The following MSI2 variants were observed in gnomAD, a reference collection of about 807,000 sequenced individuals.
MSI2 encodes the protein RNA-binding protein Musashi homolog 2.
Under a neutral mutation model 45.6 loss-of-function variants are expected in MSI2, and 17 were observed. That is an observed-to-expected ratio of 0.37 (90% CI 0.26 to 0.56). The LOEUF (loss-of-function observed/expected upper bound fraction) is 0.56, where lower values mean the gene tolerates loss of function less well. Ranked by LOEUF, MSI2 falls within the 20% of genes least tolerant of loss-of-function variation. The pLI is 0.77. For synonymous variants in MSI2, 156 were observed against 158.2 expected, an observed-to-expected ratio of 0.99 and a Z score of 0.11; for missense variants, 293 against 444.2, an observed-to-expected ratio of 0.66 and a Z score of 3.06.
intron 5 of MSI2, among the ~76,000 whole-genome samples, chr17:57,393,713 C>T (rs1471493331): frequency 1.3e-5 from 2 of 152,150 alleles, no homozygotes; most frequent in Admixed American, 1.3e-4. Context: ...AGATGTTTCA[C>T]TCTTGTCACC....
intron 5 of MSI2, among the ~76,000 whole-genome samples, chr17:57,307,736 G>GCCTGC (rs1162930215): frequency 6.6e-6 from 1 of 152,210 alleles, no homozygotes; most frequent in African/African-American, 2.4e-5. Context: ...ACCGTGCCTG[G>GCCTGC]CCTGCCCTAG....
At chr17:57,462,112 G>C (rs1408401446) in intron 6 of MSI2, among the ~76,000 whole-genome samples, 3 of 152,174 alleles carry the variant, frequency 2.0e-5, no homozygotes, top group African/African-American at 7.2e-5. Flanking sequence ...GGTGGCTTGC[G>C]GGCAGTCTTT....
At chr17:57,314,718 C>CCACACCTGG (rs1367471472) in intron 5 of MSI2, among the ~76,000 whole-genome samples, 2 of 151,816 alleles carry the variant, frequency 1.3e-5, no homozygotes, top group Non-Finnish European at 2.9e-5. Context: ...ATTACAGGCA[C>CCACACCTGG]GTGCCACCAC....
rs904656072 is a variant in MSI2 at position 57,407,931 on chromosome 17, G to C, written c.405+6460G>C. 6.6e-6 allele frequency among the ~76,000 whole-genome samples: 1 copy of C among 152,230 alleles called. No individual in the cohort carries two copies. The highest frequency in any genetic ancestry group is 1.5e-5 in the Non-Finnish European group (1 of 68,046). ...CCCTGACCCCTGGCCAAGCTGCTCAGTGGGAAACAGCACAGCGAGTAGACA... is the reference window on the plus strand; with the variant it reads ...CCCTGACCCCTGGCCAAGCTGCTCACTGGGAAACAGCACAGCGAGTAGACA... On this transcript the variant is annotated intron_variant, in intron 6 of 13. Transcript: ENST00000284073. The surrounding 1 kb of genome is among the most constrained non-coding windows in gnomAD (Gnocchi z 4.1).
intron 5 of MSI2, among the ~76,000 whole-genome samples, chr17:57,327,754 T>C (rs1598125078): frequency 6.6e-6 from 1 of 152,006 alleles, no homozygotes; most frequent in Non-Finnish European, 1.5e-5. Flanking sequence ...TGGCTGATGG[T>C]GTTGTGCTAG....
intron 5 of MSI2, among the ~76,000 whole-genome samples, chr17:57,323,331 G>A (rs1417300149): frequency 6.6e-6 from 1 of 152,186 alleles, no homozygotes; most frequent in Non-Finnish European, 1.5e-5. Context: ...TTTTGACTGA[G>A]AGAGTCCGTT....
intron 11 of MSI2, among the ~76,000 whole-genome samples, chr17:57,669,757 G>A (rs1912641955): frequency 6.6e-6 from 1 of 152,188 alleles, no homozygotes; most frequent in East Asian, 1.9e-4. Context: ...TGGAGGCCGT[G>A]ACACCAGTCA....
At chr17:57,472,231 C>A (rs981500123) in intron 6 of MSI2, among the ~76,000 whole-genome samples, 14 of 152,204 alleles carry the variant, frequency 9.2e-5, no homozygotes, top group Non-Finnish European at 1.5e-4. Context: ...AAAGTCAACT[C>A]ACGAACACTC....
At chr17:57,592,582 G>A (rs1355949120) in intron 7 of MSI2, among the ~76,000 whole-genome samples, 1 of 152,200 alleles carries the variant, frequency 6.6e-6, no homozygotes, top group African/African-American at 2.4e-5. Context: ...CACTGCAAAT[G>A]AGTCTTGACA....
chr17:57,517,287 T>C (rs2086488459), intron 6 of MSI2, among the ~76,000 whole-genome samples: 1 of 152,164 alleles, frequency 6.6e-6, no homozygotes, highest in Non-Finnish European at 1.5e-5. Context: ...GAGCAGGAAC[T>C]TCCTTGGATG....
intron 6 of MSI2, among the ~76,000 whole-genome samples, chr17:57,418,681 C>A (rs2143269606): frequency 1.3e-5 from 2 of 152,306 alleles, no homozygotes; most frequent in Admixed American, 1.3e-4. Flanking sequence ...CTTATCTGGC[C>A]ACATTCCTGA....
intron 6 of MSI2, among the ~76,000 whole-genome samples, chr17:57,526,707 A>C (rs2086710232): frequency 1.3e-5 from 2 of 152,002 alleles, no homozygotes; most frequent in African/African-American, 2.4e-5. Flanking sequence ...ATTGCTGAAA[A>C]GTTTTCTACC....
intron 10 of MSI2, among the ~76,000 whole-genome samples, chr17:57,640,297 G>A (rs141454989): frequency 3.9e-5 from 6 of 152,228 alleles, no homozygotes; most frequent in African/African-American, 9.6e-5. Flanking sequence ...AGATTAACCC[G>A]CCAGAGTTAA....
At chr17:57,480,394 A>G (rs570532246) in intron 6 of MSI2, among the ~76,000 whole-genome samples, 1 of 152,326 alleles carries the variant, frequency 6.6e-6, no homozygotes, top group Admixed American at 6.5e-5. Context: ...AAAACCCCCC[A>G]AAAGCTATAA....
At chr17:57,687,610 A>C (rs1913910503), downstream of MSI2, among the ~76,000 whole-genome samples, 1 of 152,128 alleles carries the variant, frequency 6.6e-6, no homozygotes, top group South Asian at 2.1e-4. Flanking sequence ...AAATAAAGAT[A>C]TAATACTGAA....
At chr17:57,599,129 G>T (rs895241374) in intron 8 of MSI2, among the ~76,000 whole-genome samples, 1 of 152,218 alleles carries the variant, frequency 6.6e-6, no homozygotes, top group Non-Finnish European at 1.5e-5. Context: ...TTCCTGTCTT[G>T]CCAAGCCTTA....
chr17:57,321,971 A>G (rs1913383009), intron 5 of MSI2, among the ~76,000 whole-genome samples: 1 of 151,854 alleles, frequency 6.6e-6, no homozygotes, highest in East Asian at 1.9e-4. Context: ...TAGTTTTTGT[A>G]TTTTCAATAG....
chr17:57,443,621 G>T (rs1035536147), intron 6 of MSI2, among the ~76,000 whole-genome samples: 2 of 152,144 alleles, frequency 1.3e-5, no homozygotes, highest in Admixed American at 1.3e-4. Flanking sequence ...CAAGTTAGGG[G>T]CTGAGCTGAC....
At chr17:57,406,528 G>A (rs770467756) in intron 6 of MSI2, among the ~76,000 whole-genome samples, 3 of 152,178 alleles carry the variant, frequency 2.0e-5, no homozygotes, top group Non-Finnish European at 2.9e-5. Flanking sequence ...GCTCAGTGCC[G>A]AGCTCGCTAG....
Sources: gnomAD v4.1 joint callset for allele counts (sites outside exome capture counted in the v4.1 genomes callset) on GRCh38, gnomAD v4.1.1 for gene constraint, Gnocchi (gnomAD v3.1) non-coding constraint, MANE v1.5 for transcripts, NCBI Gene and HGNC (gene_info 2026-07-23, HGNC 2026-07-21) for gene names.